The following ZFAND4 variants were observed in gnomAD, a reference collection of about 807,000 sequenced individuals.
ZFAND4 encodes AN1-type zinc finger protein 4.
Under a neutral mutation model 64.4 loss-of-function variants are expected in ZFAND4, and 43 were observed. That is an observed-to-expected ratio of 0.67 (90% CI 0.52 to 0.86). ZFAND4 has a LOEUF of 0.86. Among genes scored for constraint, ZFAND4 ranks in the 40% least tolerant of loss-of-function variants. ZFAND4 has a pLI of 0.00. For synonymous variants in ZFAND4, 296 were observed against 305.7 expected, an observed-to-expected ratio of 0.97 and a Z score of 0.33; for missense variants, 929 against 859.8, an observed-to-expected ratio of 1.08 and a Z score of -1.01.
rs1430452769 is a variant in ZFAND4, at chr10:45,663,541, C to T, written c.184+1G>A. On this transcript the variant is annotated splice_donor_variant, in intron 2 of 9. Transcript: ENST00000344646. LOFTEE classifies it high-confidence loss of function. ...TCCTAAAAACAAAGAAAGATGAGTA[C>T]CTTCCAATCTTCGAATTTTTGCTTT... The T allele has an allele frequency of 6.3e-7, 1 of 1,585,078 alleles. No homozygotes were observed. Among genetic ancestry groups the T allele is most frequent in the Non-Finnish European group, 8.5e-7 (1 of 1,169,984 alleles).
At chr10:45,622,809 G>A (rs2045526091) in intron 8 of ZFAND4, among the ~76,000 whole-genome samples, 1 of 152,132 alleles carries the variant, frequency 6.6e-6, no homozygotes. Context: ...GAGTTTGAAA[G>A]TTGTTGTATA....
At chr10:45,641,197 T>G (rs1398952481) in intron 5 of ZFAND4, among the ~76,000 whole-genome samples, 1 of 152,252 alleles carries the variant, frequency 6.6e-6, no homozygotes, top group Non-Finnish European at 1.5e-5. Context: ...TGAAATTTAA[T>G]TTATTTTTTC....
chr10:45,618,700 A>G (rs1357155343), intron 8 of ZFAND4, among the ~76,000 whole-genome samples: 1 of 152,232 alleles, frequency 6.6e-6, no homozygotes, highest in Non-Finnish European at 1.5e-5. Context: ...TTTTAGTCCT[A>G]TTACACCACT....
At chr10:45,618,632 TATAA>T (rs1401064760) in intron 8 of ZFAND4, among the ~76,000 whole-genome samples, 7 of 152,176 alleles carry the variant, frequency 4.6e-5, no homozygotes, top group Admixed American at 1.3e-4. Context: ...ATGATTGCAA[TATAA>T]ATATTCTGTT....
chr10:45,625,881 A>G, intron 7 of ZFAND4, 70 bp downstream of exon 7: 1 of 1,434,682 alleles, frequency 7.0e-7, no homozygotes, highest in South Asian at 1.4e-5. Flanking sequence ...TGTAAACAAA[A>G]ACCAAACTTT....
Position 45,651,947 on chromosome 10 carries a change from A to AATAT in ZFAND4, c.328+15_328+18dup. 1 of 1,599,988 alleles carries AATAT rather than the reference A, an allele frequency of 6.3e-7. No homozygotes were observed. On this transcript the variant is annotated intron_variant, in intron 4 of 9. Transcript: ENST00000344646. The stretch of plus-strand genomic sequence containing the variant: ...AAGAATGTTACTGTCAAATTGCTTT[A>AATAT]ATATATATATATGCCTACCTCTTCT...
At chr10:45,671,215 C>T (rs908796230) in intron 1 of ZFAND4, among the ~76,000 whole-genome samples, 3 of 152,200 alleles carry the variant, frequency 2.0e-5, no homozygotes, top group Non-Finnish European at 4.4e-5. Context: ...AATAGGAACA[C>T]TTTTACACTG....
chr10:45,623,276 C>G (rs1436459084), intron 8 of ZFAND4, among the ~76,000 whole-genome samples: 2 of 152,150 alleles, frequency 1.3e-5, no homozygotes, highest in East Asian at 3.8e-4. Flanking sequence ...GGTATATATT[C>G]TAAAGAATTG....
At chr10:45,658,843 A>C (rs968828431) in intron 2 of ZFAND4, among the ~76,000 whole-genome samples, 1 of 152,240 alleles carries the variant, frequency 6.6e-6, no homozygotes, top group Admixed American at 6.5e-5. Context: ...TCCTAGTTTC[A>C]GCTCTGATAT....
At chr10:45,625,289 G>A (rs1394969669) in intron 7 of ZFAND4, among the ~76,000 whole-genome samples, 6 of 150,702 alleles carry the variant, frequency 4.0e-5, no homozygotes, top group Non-Finnish European at 7.4e-5. Flanking sequence ...TGGCTAACAC[G>A]GTGAAACCCC....
chr10:45,647,041 G>C (rs2047431117), intron 5 of ZFAND4, among the ~76,000 whole-genome samples: 2 of 152,176 alleles, frequency 1.3e-5, no homozygotes, highest in Admixed American at 1.3e-4. Context: ...TCTGACTCTT[G>C]ACCCTTGGTG....
At chr10:45,627,665 G>C (rs938109719) in intron 6 of ZFAND4, among the ~76,000 whole-genome samples, 2 of 152,136 alleles carry the variant, frequency 1.3e-5, no homozygotes, top group Admixed American at 6.5e-5. Context: ...CAATAATACA[G>C]TTCATGATGA....
chr10:45,658,893 A>G (rs2048302129), intron 2 of ZFAND4, among the ~76,000 whole-genome samples: 1 of 152,248 alleles, frequency 6.6e-6, no homozygotes. Flanking sequence ...CAAGAAAAAA[A>G]GCTGAACAAA....
At chr10:45,648,979 A>C in intron 4 of ZFAND4, 1 of 985,230 alleles carries the variant, frequency 1.0e-6, no homozygotes, top group Non-Finnish European at 1.2e-6. Context: ...TTAAAAGTAC[A>C]CAGACACGGC....
chr10:45,637,359 AT>A (rs2046677263), intron 6 of ZFAND4, among the ~76,000 whole-genome samples: 1 of 150,986 alleles, frequency 6.6e-6, no homozygotes, highest in African/African-American at 2.4e-5. Context: ...AAAAAAAAAA[AT>A]TTCAGCTGGA....
At chr10:45,670,557 A>C (rs1298398073) in intron 1 of ZFAND4, among the ~76,000 whole-genome samples, 2 of 152,204 alleles carry the variant, frequency 1.3e-5, no homozygotes, top group African/African-American at 4.8e-5. Flanking sequence ...ATCTTTGACA[A>C]ACCTGACAAA....
chr10:45,624,605 A>C lies in ZFAND4; in HGVS notation c.1905T>G (p.Asn635Lys). Residue 635 changes from asparagine (N) to lysine (K), a missense_variant, in exon 8 of 10, where the codon AAT (asparagine) becomes AAG (lysine). Asn to Lys is a moderately conservative substitution (Grantham distance 94). Coordinates refer to ENST00000344646, the MANE Select transcript of ZFAND4 (RefSeq NM_174890.4). ...TACCTACGCTTTTCCCTGCTGCTGC[A>C]TTATTTCCATTCATTCCAACACCAT... is the stretch of plus-strand genomic sequence containing the variant. The part of the protein sequence containing the change: ...STHGVGMNGN[N>K]AAAGKSVGEC... 6.2e-7 allele frequency: 1 copy of C among 1,613,976 alleles called. No homozygotes were observed. The highest frequency in any genetic ancestry group is 8.5e-7 in the Non-Finnish European group (1 of 1,179,934).
At chr10:45,637,004 G>GAAAA (rs58965939) in intron 6 of ZFAND4, among the ~76,000 whole-genome samples, 2 of 120,376 alleles carry the variant, frequency 1.7e-5, no homozygotes, top group African/African-American at 6.3e-5. Flanking sequence ...TTCCCCATCA[G>GAAAA]AAAAAAAAAA....
At chr10:45,650,009 A>C (rs929274087) in intron 4 of ZFAND4, 4 of 152,234 alleles carry the variant, frequency 2.6e-5, no homozygotes, top group Non-Finnish European at 5.9e-5. Context: ...ATATATATGA[A>C]GTTTGATATG....
Sources: gnomAD v4.1 joint callset for allele counts (sites outside exome capture counted in the v4.1 genomes callset) on GRCh38, gnomAD v4.1.1 for gene constraint, MANE v1.5 for transcripts, NCBI Gene and HGNC (gene_info 2026-07-23, HGNC 2026-07-21) for gene names.